GNG12: variants seen among roughly 807,000 people sequenced by gnomAD.
The protein encoded by GNG12 is G protein subunit gamma 12, also known as guanine nucleotide-binding protein G(I)/G(S)/G(O) subunit gamma-12.
For missense variants in GNG12, 69 were observed against 83.8 expected (o/e 0.82, Z 0.69); for synonymous variants, 28 against 29.7 (o/e 0.94, Z 0.19).
chr1:67,776,596 T>A (rs1020431240), intron 2 of GNG12, among the ~76,000 whole-genome samples: 1 of 152,116 alleles, frequency 6.6e-6, no homozygotes, highest in Non-Finnish European at 1.5e-5. Flanking sequence ...GATACATGGC[T>A]TAGTCATCAT....
chr1:67,833,081 C>T (rs1377645887), intron 1 of GNG12, among the ~76,000 whole-genome samples: 2 of 151,746 alleles, frequency 1.3e-5, no homozygotes, highest in African/African-American at 4.8e-5. Flanking sequence ...GCGCGCGCGC[C>T]GTTTCTGCCT....
chr1:67,744,643 G>A (rs1646498860), intron 2 of GNG12, among the ~76,000 whole-genome samples: 1 of 152,202 alleles, frequency 6.6e-6, no homozygotes, highest in Non-Finnish European at 1.5e-5. Flanking sequence ...CAGGAGCTAG[G>A]AGGACTCAGG....
At chr1:67,824,926 T>TA (rs34406698) in intron 1 of GNG12, among the ~76,000 whole-genome samples, 44,005 of 151,950 alleles carry the variant, frequency 0.29, 6,513 homozygotes, top group Admixed American at 0.35. Context: ...ATTACAGCCA[T>TA]AGGAAGTCAG....
At chr1:67,818,139 G>A (rs752142476) in intron 1 of GNG12, among the ~76,000 whole-genome samples, 5 of 143,544 alleles carry the variant, frequency 3.5e-5, no homozygotes, top group Admixed American at 7.2e-5. Flanking sequence ...ACTAGGCTTC[G>A]ACAGACTGGT....
chr1:67,713,444 T>C (rs893004532), intron 2 of GNG12, among the ~76,000 whole-genome samples: 31 of 152,308 alleles, frequency 2.0e-4, no homozygotes, highest in African/African-American at 6.7e-4. Context: ...TAGGGAAATA[T>C]GGGTATTTTC....
At chr1:67,747,255 G>A (rs569928145) in intron 2 of GNG12, among the ~76,000 whole-genome samples, 20 of 152,296 alleles carry the variant, frequency 1.3e-4, no homozygotes, top group African/African-American at 4.8e-4. Context: ...GAGTAGCTGG[G>A]ACTACAGGTG....
intron 1 of GNG12, among the ~76,000 whole-genome samples, chr1:67,811,811 T>C (rs1234462157): frequency 2.0e-5 from 3 of 152,186 alleles, no homozygotes; most frequent in Admixed American, 6.5e-5. Flanking sequence ...GCAGTAGACA[T>C]GTCAGTTGAG....
In GNG12 at chr1:67,705,434, G is replaced by T. The variant is rs368515270; in HGVS notation, c.*17C>A. On this transcript the variant is annotated 3_prime_UTR_variant, in exon 4 of 4. Transcript: ENST00000370982. Reference sequence around the variant, plus strand: ...TTGCGTTGTTGGGAAGAGGCGAGGAGCTGTTTCTCTATTCCACTATAAGAT... The same window carrying T: ...TTGCGTTGTTGGGAAGAGGCGAGGATCTGTTTCTCTATTCCACTATAAGAT... 3.7e-6 allele frequency: 6 copies of T among 1,612,408 alleles called. No individual in the cohort carries two copies. The highest frequency in any genetic ancestry group is 5.1e-6 in the Non-Finnish European group (6 of 1,179,468).
chr1:67,744,217 G>A (rs1391146678), intron 2 of GNG12, among the ~76,000 whole-genome samples: 2 of 152,176 alleles, frequency 1.3e-5, no homozygotes, highest in Non-Finnish European at 2.9e-5. Context: ...AAGAAATCAA[G>A]TAAATTACAG....
At chr1:67,779,813 A>G (rs1170978678) in intron 1 of GNG12, among the ~76,000 whole-genome samples, 1 of 152,198 alleles carries the variant, frequency 6.6e-6, no homozygotes, top group African/African-American at 2.4e-5. Context: ...GGGTGTACTT[A>G]CACAAACCTA....
At chr1:67,714,321 AG>A (rs1397600813) in intron 2 of GNG12, among the ~76,000 whole-genome samples, 11 of 152,310 alleles carry the variant, frequency 7.2e-5, no homozygotes, top group Middle Eastern at 3.4e-3. Context: ...ATTTAGTTCC[AG>A]GGACACATTC....
intron 1 of GNG12, among the ~76,000 whole-genome samples, chr1:67,798,241 G>C (rs1183054776): frequency 6.6e-6 from 1 of 152,154 alleles, no homozygotes; most frequent in African/African-American, 2.4e-5. Flanking sequence ...CTCAGCGGCA[G>C]CATCAATTTC....
At position 67,701,495 on chromosome 1, in the gene GNG12, G is replaced by A. The variant is rs1646214648; in HGVS notation, c.*3956C>T. On this transcript the variant is annotated 3_prime_UTR_variant, in exon 4 of 4. Coordinates refer to ENST00000370982, the MANE Select transcript of GNG12 (RefSeq NM_018841.6). Reference sequence around the variant, plus strand: ...AGAAATGGTCTTTTATTCATTTATTGAGCAAAACACAAGTAGGATGATACA... The same window carrying A: ...AGAAATGGTCTTTTATTCATTTATTAAGCAAAACACAAGTAGGATGATACA... 1 of 152,652 alleles carries A rather than the reference G, an allele frequency of 6.6e-6. No homozygotes were observed. The highest frequency in any genetic ancestry group is 1.9e-4 in the East Asian group (1 of 5,194). 9.5% of individuals were successfully genotyped at this position (152,652 alleles called of 1,614,324 possible).
At chr1:67,725,645 T>TAAA (rs1398973901) in intron 2 of GNG12, among the ~76,000 whole-genome samples, 1 of 152,208 alleles carries the variant, frequency 6.6e-6, no homozygotes, top group African/African-American at 2.4e-5. Context: ...AGCTTCTTTT[T>TAAA]AAAAGTGTTA....
intron 1 of GNG12, among the ~76,000 whole-genome samples, chr1:67,780,947 G>T (rs1346918761): frequency 6.6e-6 from 1 of 152,190 alleles, no homozygotes; most frequent in African/African-American, 2.4e-5. Flanking sequence ...GCCTGGACAT[G>T]GCTTGGATAT....
intron 2 of GNG12, among the ~76,000 whole-genome samples, chr1:67,725,827 A>G (rs1017033162): frequency 1.3e-5 from 2 of 152,232 alleles, no homozygotes; most frequent in African/African-American, 4.8e-5. Context: ...GTGACATAAA[A>G]TTTCTCAGAA....
At chr1:67,773,279 T>C (rs1375981983) in intron 2 of GNG12, among the ~76,000 whole-genome samples, 2 of 152,184 alleles carry the variant, frequency 1.3e-5, no homozygotes, top group African/African-American at 4.8e-5. Context: ...CTTAACATTA[T>C]TCCCTATCAT....
intron 2 of GNG12, among the ~76,000 whole-genome samples, chr1:67,761,253 C>T (rs1426993461): frequency 6.6e-6 from 1 of 152,210 alleles, no homozygotes; most frequent in Non-Finnish European, 1.5e-5. Context: ...GTGCCACGCC[C>T]TGAATTTCTC....
chr1:67,787,943 C>G (rs1043999666), intron 1 of GNG12, among the ~76,000 whole-genome samples: 5 of 152,176 alleles, frequency 3.3e-5, no homozygotes, highest in Non-Finnish European at 5.9e-5. Context: ...CAGTGCCATG[C>G]AAGCCAAGAT....
Sources: allele counts gnomAD v4.1 joint callset (sites outside exome capture counted in the v4.1 genomes callset), GRCh38; gene constraint gnomAD v4.1.1; transcripts MANE v1.5; gene names NCBI Gene and HGNC (gene_info 2026-07-23, HGNC 2026-07-21).